Variants in CTIF observed in about 807,000 individuals in gnomAD.
CTIF encodes the protein cap binding complex dependent translation initiation factor.
CTIF carries 21 observed loss-of-function variants against 66.0 expected under a neutral mutation model. The ratio of observed to expected loss-of-function variants is 0.32; its 90% CI spans 0.23 to 0.46. The LOEUF (loss-of-function observed/expected upper bound fraction) is 0.46. Among genes scored for constraint, CTIF ranks in the 20% least tolerant of loss-of-function variants. The pLI is 1.00. For missense variants in CTIF, 739 were observed against 812.7 expected (o/e 0.91, Z 1.10); for synonymous variants, 345 against 326.4 (o/e 1.06, Z -0.62).
intron 7 of CTIF, chr18:48,755,811 A>G (rs776933849): frequency 9.2e-5 from 14 of 152,240 alleles, no homozygotes; most frequent in Non-Finnish European, 1.6e-4. Flanking sequence ...AGATATTTTA[A>G]TAATGACTCT....
intron 10 of CTIF, among the ~76,000 whole-genome samples, chr18:48,840,357 T>C (rs775688439): frequency 6.6e-6 from 1 of 151,590 alleles, no homozygotes; most frequent in Non-Finnish European, 1.5e-5. Context: ...CTCATCCCCA[T>C]GCAGCCTGGT....
Position 48,854,469 on chromosome 18 carries a change from C to T in CTIF, c.1528-3119C>T, listed in dbSNP as rs529484505. Among the ~76,000 whole-genome samples, 5 of 152,296 alleles carry T rather than the reference C, an allele frequency of 3.3e-5. No individual in the cohort carries two copies. In the East Asian group the frequency reaches 9.6e-4, roughly 29 times the overall value. The stretch of plus-strand genomic sequence containing the variant: ...GAAATGATTTCTCCCTGGCCCCAAG[C>T]TCTCACCTTCCCCATCCACTCTAGA... On this transcript the variant is annotated intron_variant, in intron 10 of 11. Transcript: ENST00000256413.
chr18:48,734,449 C>A (rs1239499775), intron 7 of CTIF, among the ~76,000 whole-genome samples: 1 of 152,142 alleles, frequency 6.6e-6, no homozygotes, highest in Non-Finnish European at 1.5e-5. Context: ...GCATGTAGTC[C>A]CCGCTACTCG....
intron 9 of CTIF, among the ~76,000 whole-genome samples, chr18:48,808,881 G>A (rs74881242): frequency 0.043 from 6,514 of 152,094 alleles, 355 homozygotes; most frequent in East Asian, 0.29. Context: ...TTACTTTTAG[G>A]ATTATTTTTT....
intron 6 of CTIF, among the ~76,000 whole-genome samples, chr18:48,689,525 T>C (rs1289291133): frequency 6.6e-6 from 1 of 152,146 alleles, no homozygotes; most frequent in Non-Finnish European, 1.5e-5. Context: ...AAGGGTAATG[T>C]CTAACAGCCA....
rs77080833 is a variant in CTIF, at chr18:48,848,959, A to G, written c.1528-8629A>G. On this transcript the variant is annotated intron_variant, in intron 10 of 11. Transcript: ENST00000256413. Reference sequence around the variant, plus strand: ...CAATTGCCTTGGATTCTTGTCCAAGAAACACATTTTGCCGTTCGAGGGCAC... The same window carrying G: ...CAATTGCCTTGGATTCTTGTCCAAGGAACACATTTTGCCGTTCGAGGGCAC... Among the ~76,000 whole-genome samples the G allele has an allele frequency of 2.8e-4, 43 of 152,378 alleles. No homozygotes were observed. In the East Asian group the frequency reaches 7.9e-3, roughly 28 times the overall value.
At chr18:48,687,734 T>A (rs1465493346) in intron 6 of CTIF, among the ~76,000 whole-genome samples, 1 of 152,222 alleles carries the variant, frequency 6.6e-6, no homozygotes, top group African/African-American at 2.4e-5. Flanking sequence ...TGAAGCCGAC[T>A]GTGTGCAAAG....
intron 1 of CTIF, among the ~76,000 whole-genome samples, chr18:48,600,516 A>T (rs1402666794): frequency 6.6e-6 from 1 of 152,052 alleles, no homozygotes; most frequent in Non-Finnish European, 1.5e-5. Flanking sequence ...AGCAGAGCCC[A>T]TCTCTCATTC....
rs2091398372 is a variant in CTIF, at chr18:48,664,370, A to G, written c.327-77A>G. On this transcript the variant is annotated intron_variant, in intron 4 of 11. Coordinates refer to ENST00000256413, the MANE Select transcript of CTIF (RefSeq NM_014772.3). ...TCTGCGGATCTGCTCTGCCAGGTTC[A>G]GCCTGGCCCCCTGGTTCCGTCAGTA... is the stretch of plus-strand genomic sequence containing the variant. 10 of 1,308,704 alleles carry G rather than the reference A, an allele frequency of 7.6e-6. No individual in the cohort carries two copies. In the East Asian group the frequency reaches 2.1e-4, roughly 27 times the overall value. 81.1% of individuals were successfully genotyped at this position (1,308,704 alleles called of 1,614,324 possible).
chr18:48,603,138 G>GTGGATGGATGGA lies in CTIF; in HGVS notation c.-28-16384_-28-16373dup, dbSNP rs143398766. Reference sequence around the variant, plus strand: ...GGATGGATGAATGGATGGCTAGATAGTGGATGGATGGATGGATGGATGGAT... The same window carrying GTGGATGGATGGA: ...GGATGGATGAATGGATGGCTAGATAGTGGATGGATGGATGGATGGATGGATGGATGGATGGAT... On this transcript the variant is annotated intron_variant, in intron 1 of 11. Coordinates refer to ENST00000256413, the MANE Select transcript of CTIF (RefSeq NM_014772.3). Among the ~76,000 whole-genome samples the GTGGATGGATGGA allele has an allele frequency of 1.4e-3, 184 of 133,076 alleles. No homozygotes were observed. The Middle Eastern group carries it at 0.021, about 15-fold the overall frequency. 87.3% of individuals were successfully genotyped at this position (133,076 alleles called of 152,430 possible).
intron 10 of CTIF, among the ~76,000 whole-genome samples, chr18:48,835,967 C>T (rs944869134): frequency 6.6e-6 from 1 of 152,160 alleles, no homozygotes; most frequent in African/African-American, 2.4e-5. Flanking sequence ...TCATTCTACC[C>T]CTCTGCCCCC....
chr18:48,583,999 T>A (rs1384792081), intron 1 of CTIF, among the ~76,000 whole-genome samples: 1 of 152,216 alleles, frequency 6.6e-6, no homozygotes, highest in Non-Finnish European at 1.5e-5. Flanking sequence ...TCTATAACCC[T>A]TACAGCACCT....
chr18:48,843,224 T>G (rs1016153399), intron 10 of CTIF, among the ~76,000 whole-genome samples: 5 of 151,906 alleles, frequency 3.3e-5, no homozygotes, highest in Non-Finnish European at 5.9e-5. Flanking sequence ...GTCAGAGATT[T>G]CCCCCTAGGC....
intron 1 of CTIF, among the ~76,000 whole-genome samples, chr18:48,614,213 A>G (rs1340940614): frequency 6.6e-6 from 1 of 152,014 alleles, no homozygotes; most frequent in Non-Finnish European, 1.5e-5. Flanking sequence ...CCAGGCTGAA[A>G]CCCCCAAAGC....
At chr18:48,690,400 C>T (rs1392327334) in intron 6 of CTIF, among the ~76,000 whole-genome samples, 1 of 152,146 alleles carries the variant, frequency 6.6e-6, no homozygotes, top group Non-Finnish European at 1.5e-5. Flanking sequence ...TCCTGATTTG[C>T]TCCAGCCTGT....
chr18:48,700,270 A>G (rs972194954), intron 6 of CTIF, among the ~76,000 whole-genome samples: 1 of 152,224 alleles, frequency 6.6e-6, no homozygotes, highest in African/African-American at 2.4e-5. Flanking sequence ...GCCTTCTGCC[A>G]TAATTGTGAG....
At chr18:48,777,790 G>A (rs1910829176) in intron 9 of CTIF, among the ~76,000 whole-genome samples, 1 of 152,252 alleles carries the variant, frequency 6.6e-6, no homozygotes, top group South Asian at 2.1e-4. Context: ...CATGCAGTAG[G>A]GGTGGACAGA....
chr18:48,582,689 AGTG>A (rs1175844922), intron 1 of CTIF, among the ~76,000 whole-genome samples: 1 of 152,118 alleles, frequency 6.6e-6, no homozygotes, highest in Non-Finnish European at 1.5e-5. Context: ...CGGTAGTAGT[AGTG>A]GTGGTGGTAA....
chr18:48,548,778 C>G (rs952107357), intron 1 of CTIF, among the ~76,000 whole-genome samples: 7 of 152,232 alleles, frequency 4.6e-5, no homozygotes, highest in African/African-American at 1.7e-4. Flanking sequence ...ACCTTTGCCT[C>G]AGTTTAGTGG....
Sources: gnomAD v4.1 joint callset for allele counts (sites outside exome capture counted in the v4.1 genomes callset) on GRCh38, gnomAD v4.1.1 for gene constraint, MANE v1.5 for transcripts, NCBI Gene and HGNC (gene_info 2026-07-23, HGNC 2026-07-21) for gene names.